ESRP1: variants seen among roughly 807,000 people sequenced by gnomAD.
ESRP1 encodes the protein epithelial splicing regulatory protein 1, also known as RNA-binding motif protein 35A.
A neutral mutation model predicts 81.7 loss-of-function variants in ESRP1; 33 were observed. The ratio of observed to expected loss-of-function variants is 0.40; its 90% CI spans 0.31 to 0.54. ESRP1 has a LOEUF of 0.54. Among genes scored for constraint, ESRP1 ranks in the 20% least tolerant of loss-of-function variants. The probability of loss-of-function intolerance (pLI) is 0.41; values close to 1 mark genes in which losing one functional copy is unlikely to be tolerated. For synonymous variants in ESRP1, 320 were observed against 303.3 expected (o/e 1.06, Z -0.57); for missense variants, 672 against 833.1 (o/e 0.81, Z 2.38).
intron 4 of ESRP1, among the ~76,000 whole-genome samples, chr8:94,651,672 A>C (rs1818137808): frequency 6.6e-6 from 1 of 151,938 alleles, no homozygotes; most frequent in African/African-American, 2.4e-5. Context: ...GCTGGAGTGC[A>C]ATGATGCAAT....
chr8:94,703,153 TTTGTTG>T (rs143247522), intron 15 of ESRP1, among the ~76,000 whole-genome samples: 8 of 148,478 alleles, frequency 5.4e-5, no homozygotes, highest in African/African-American at 2.0e-4. Flanking sequence ...GCAGTTTCTT[TTTGTTG>T]TTGTTGTTGT....
chr8:94,691,798 G>A (rs1293615232), intron 13 of ESRP1, among the ~76,000 whole-genome samples: 1 of 151,998 alleles, frequency 6.6e-6, no homozygotes, highest in East Asian at 1.9e-4. Flanking sequence ...TTACTCTTTA[G>A]GCTGATGACT....
intron 14 of ESRP1, among the ~76,000 whole-genome samples, chr8:94,696,138 A>C (rs1586259811): frequency 6.6e-6 from 1 of 152,238 alleles, no homozygotes; most frequent in Non-Finnish European, 1.5e-5. Flanking sequence ...ACAAAGACCA[A>C]GGATTTACAA....
At chr8:94,644,326 G>GCAATATTTAGGCAAGGCAATATA (rs1345618472) in intron 3 of ESRP1, among the ~76,000 whole-genome samples, 28 of 152,328 alleles carry the variant, frequency 1.8e-4, no homozygotes, top group Middle Eastern at 3.4e-3. Flanking sequence ...TTAGGTACCT[G>GCAATATTTAGGCAAGGCAATATA]TATAAGGCAA....
chr8:94,664,760 T>C lies in ESRP1; in HGVS notation c.708T>C (p.Ser236=), dbSNP rs1431551621. The C allele has an allele frequency of 6.2e-7, 1 of 1,613,854 alleles. No individual in the cohort carries two copies. Among genetic ancestry groups the C allele is most frequent in the African/African-American group, 1.3e-5 (1 of 74,906 alleles). Residue 236 remains serine (S), a synonymous_variant, in exon 7 of 16, where the codon TCT becomes TCC. Coordinates refer to ENST00000433389, the MANE Select transcript of ESRP1 (RefSeq NM_017697.4). The part of the protein sequence containing the change: ...VVRARGLPWQ[S]SDQDIARFFK... ...GGGCACGAGGTTTACCATGGCAGTC[T>C]TCAGATCAAGATATTGCAAGATTCT...
chr8:94,703,215 C>T (rs947741013), intron 15 of ESRP1, among the ~76,000 whole-genome samples: 9 of 149,550 alleles, frequency 6.0e-5, no homozygotes, highest in Admixed American at 6.7e-5. Context: ...AGTACAGTGG[C>T]GCAATCTCGG....
In ESRP1 at chr8:94,641,882, G is replaced by A. The variant is rs541822074; in HGVS notation, c.133-74G>A. Reference sequence around the variant, plus strand: ...GAGAGGCGCGGGCCGCCCCAGCAGGGGAGCGAGGGAGGAGGGTGCAGAAAG... The same window carrying A: ...GAGAGGCGCGGGCCGCCCCAGCAGGAGAGCGAGGGAGGAGGGTGCAGAAAG... On this transcript the variant is annotated intron_variant, in intron 1 of 15. Coordinates refer to ENST00000433389, the MANE Select transcript of ESRP1 (RefSeq NM_017697.4). 2.7e-5 allele frequency: 43 copies of A among 1,580,574 alleles called. No homozygotes were observed. The East Asian group carries it at 8.3e-4, about 31-fold the overall frequency.
intron 4 of ESRP1, among the ~76,000 whole-genome samples, chr8:94,649,159 C>CCGAG (rs1267688162): frequency 6.6e-6 from 1 of 152,086 alleles, no homozygotes; most frequent in Non-Finnish European, 1.5e-5. Context: ...AGGCAGTGAG[C>CCGAG]CGAGATCATA....
intron 13 of ESRP1, among the ~76,000 whole-genome samples, chr8:94,679,120 C>G (rs1388981374): frequency 6.6e-6 from 1 of 152,190 alleles, no homozygotes; most frequent in African/African-American, 2.4e-5. Context: ...CTGTCCAATA[C>G]AGAATTTTCC....
intron 1 of ESRP1, 121 bp from the exon 2 acceptor site, chr8:94,641,835 T>A: frequency 6.8e-7 from 1 of 1,466,664 alleles, no homozygotes; most frequent in South Asian, 1.4e-5. Flanking sequence ...TCGAGAGCTT[T>A]GATTCTGCGT....
rs139033906 is a variant in ESRP1 at position 94,692,126 on chromosome 8, C to T, written c.1821-551C>T. ...TATGTATCTCTTCCAACGTCCGCCA[C>T]CCCCATTTTTTAAAAGGCAGGAAAA... On this transcript the variant is annotated intron_variant, in intron 13 of 15. Coordinates refer to ENST00000433389, the MANE Select transcript of ESRP1 (RefSeq NM_017697.4). 9.9e-3 allele frequency among the ~76,000 whole-genome samples: 1,503 copies of T among 152,220 alleles called. 27 individuals are homozygous for T. Among genetic ancestry groups the T allele is most frequent in the African/African-American group, 0.034 (1,403 of 41,528 alleles).
chr8:94,692,869 C>CT, intron 14 of ESRP1, 42 bp downstream of exon 14: 1 of 1,586,014 alleles, frequency 6.3e-7, no homozygotes. Flanking sequence ...GCCCTTATTA[C>CT]TTAAGTTGAT....
chr8:94,646,212 A>G lies in ESRP1; in HGVS notation c.420A>G (p.Arg140=). The change falls in exon 4 of 16, where the codon CGA becomes CGG. Residue 140 remains arginine, a synonymous_variant. Transcript: ENST00000433389. ...GCTTCTATTCCTTTTTTGATCTTCG[A>G]AAAGAATTCAAGAAATGTTGCCCTG... ...PECFYSFFDL[R]KEFKKCCPGS... 1 of 1,612,780 alleles carries G rather than the reference A, an allele frequency of 6.2e-7. No individual in the cohort carries two copies. Among genetic ancestry groups the G allele is most frequent in the African/African-American group, 1.3e-5 (1 of 74,998 alleles).
intron 11 of ESRP1, among the ~76,000 whole-genome samples, chr8:94,672,618 T>A (rs1201654937): frequency 6.6e-6 from 1 of 152,072 alleles, no homozygotes; most frequent in African/African-American, 2.4e-5. Flanking sequence ...CTGTAATCTC[T>A]GCCTCCTGAG....
intron 14 of ESRP1, among the ~76,000 whole-genome samples, chr8:94,693,521 A>G (rs1010776491): frequency 1.3e-5 from 2 of 152,162 alleles, no homozygotes; most frequent in African/African-American, 4.8e-5. Context: ...TTCTTTCCTC[A>G]AGTCACATAA....
chr8:94,672,150 A>G (rs1819361951), intron 11 of ESRP1, among the ~76,000 whole-genome samples: 1 of 152,204 alleles, frequency 6.6e-6, no homozygotes, highest in Admixed American at 6.5e-5. Context: ...ACAAATAATC[A>G]TATCTGTTCC....
chr8:94,705,753 C>A lies in ESRP1; in HGVS notation c.*36-172C>A, dbSNP rs960205518. 47 of 611,158 alleles carry A rather than the reference C, an allele frequency of 7.7e-5. No homozygotes were observed. In the Middle Eastern group the frequency reaches 1.4e-3, roughly 18 times the overall value. The allele number at this position is 611,158 out of a possible 1,614,324, so 37.9% of individuals were successfully genotyped here. On this transcript the variant is annotated intron_variant, in intron 15 of 15. Coordinates refer to ENST00000433389, the MANE Select transcript of ESRP1 (RefSeq NM_017697.4). The stretch of plus-strand genomic sequence containing the variant: ...TTGGCTAGTGCTGTACTCCCAAAGC[C>A]CTTGCCATGTAAATGCCAACTATGT...
At chr8:94,666,251 T>TG (rs1051550689) in intron 9 of ESRP1, among the ~76,000 whole-genome samples, 2 of 152,254 alleles carry the variant, frequency 1.3e-5, no homozygotes, top group African/African-American at 4.8e-5. Flanking sequence ...GCTGGGCACA[T>TG]GGCTTGTGCC....
intron 10 of ESRP1, among the ~76,000 whole-genome samples, chr8:94,668,732 G>T (rs576800828): frequency 6.7e-6 from 1 of 150,202 alleles, no homozygotes; most frequent in Non-Finnish European, 1.5e-5. Flanking sequence ...TTCCCAAAAG[G>T]CTTCATCGGT....
Sources: gnomAD v4.1 joint callset for allele counts (sites outside exome capture counted in the v4.1 genomes callset) on GRCh38, gnomAD v4.1.1 for gene constraint, MANE v1.5 for transcripts, NCBI Gene and HGNC (gene_info 2026-07-23, HGNC 2026-07-21) for gene names.